Variants in UNC93A observed in about 807,000 individuals in gnomAD.
UNC93A encodes the protein unc-93 homolog A.
In UNC93A, 43 loss-of-function variants were observed where a neutral mutation model predicts 47.5. That is an observed-to-expected ratio of 0.91 (90% CI 0.71 to 1.17). UNC93A has a LOEUF of 1.17. Ranked by LOEUF, UNC93A falls within the 50% of genes most tolerant of loss-of-function variation. The probability of loss-of-function intolerance (pLI) is 0.00; values close to 1 mark genes in which losing one functional copy is unlikely to be tolerated. For synonymous variants in UNC93A, 280 were observed against 258.0 expected, an observed-to-expected ratio of 1.09 and a Z score of -0.82; for missense variants, 605 against 577.6, an observed-to-expected ratio of 1.05 and a Z score of -0.49.
intron 1 of UNC93A, among the ~76,000 whole-genome samples, chr6:167,274,286 A>G (rs1038669923): frequency 7.2e-5 from 11 of 152,182 alleles, no homozygotes; most frequent in African/African-American, 2.7e-4. Flanking sequence ...TTTAGTCCTC[A>G]AGGCACAGAC....
upstream of UNC93A, among the ~76,000 whole-genome samples, chr6:167,270,321 G>T (rs887084400): frequency 6.6e-6 from 1 of 152,124 alleles, no homozygotes. Flanking sequence ...TCAGCCAGGC[G>T]TCATAATCAC....
chr6:167,308,715 T>C lies in UNC93A; in HGVS notation c.1108+805T>C, dbSNP rs560346390. Among the ~76,000 whole-genome samples, 4 of 150,710 alleles carry C rather than the reference T, an allele frequency of 2.7e-5. No homozygotes were observed. In the East Asian group the frequency reaches 7.8e-4, roughly 30 times the overall value. The stretch of plus-strand genomic sequence containing the variant: ...TGTGGGGCCAGCATGTGGGGGAGGG[T>C]CAGATGCACCTAGGTCACTGGAAGC... On this transcript the variant is annotated intron_variant, in intron 7 of 7. Transcript: ENST00000230256.
In UNC93A at chr6:167,306,513, A is replaced by G. The variant is rs142126076; in HGVS notation, c.976+463A>G. Among the ~76,000 whole-genome samples, 595 of 152,266 alleles carry G rather than the reference A, an allele frequency of 3.9e-3. 3 individuals carry two copies. The highest frequency in any genetic ancestry group is 0.013 in the African/African-American group (553 of 41,526). On this transcript the variant is annotated intron_variant, in intron 6 of 7. Coordinates refer to ENST00000230256, the MANE Select transcript of UNC93A (RefSeq NM_018974.4). Reference sequence around the variant, plus strand: ...CCTCCCTAAACACACAGCACCTTCCATTTTTCTTGGGAAGGGAAGGGAAGA... The same window carrying G: ...CCTCCCTAAACACACAGCACCTTCCGTTTTTCTTGGGAAGGGAAGGGAAGA...
intron 1 of UNC93A, among the ~76,000 whole-genome samples, chr6:167,274,449 G>A (rs1310012877): frequency 1.3e-5 from 2 of 152,100 alleles, no homozygotes; most frequent in African/African-American, 2.4e-5. Context: ...TTCAGGAAGC[G>A]TCATCCTGTT....
chr6:167,281,151 G>A (rs529050575), intron 1 of UNC93A, among the ~76,000 whole-genome samples: 78 of 151,352 alleles, frequency 5.2e-4, no homozygotes, highest in Non-Finnish European at 1.0e-3. Context: ...ATCCCACTGA[G>A]AGGAGCCTCG....
In UNC93A at chr6:167,296,110, G is replaced by C. The variant is rs751156316; in HGVS notation, c.348G>C (p.Thr116=). ...PLWSAQCTYL[T]ITGNTHAEKA... ...GGTCTGCACAGTGCACATACCTCAC[G>C]ATCACGGGAAACACACATGCAGAGA... The change falls in exon 3 of 8, where the codon ACG becomes ACC. Residue 116 remains threonine, a synonymous_variant. Coordinates refer to ENST00000230256, the MANE Select transcript of UNC93A (RefSeq NM_018974.4). 1.9e-6 allele frequency: 3 copies of C among 1,614,188 alleles called. No homozygotes were observed. Among genetic ancestry groups the C allele is most frequent in the South Asian group, 1.1e-5 (1 of 91,080 alleles).
chr6:167,273,944 C>T (rs900578087), intron 1 of UNC93A, among the ~76,000 whole-genome samples: 2 of 152,138 alleles, frequency 1.3e-5, no homozygotes, highest in Non-Finnish European at 2.9e-5. Flanking sequence ...AAATGTTTAT[C>T]AGACTTAAAA....
At chr6:167,298,152 C>G in intron 4 of UNC93A, 82 bp downstream of exon 4, 1 of 1,528,918 alleles carries the variant, frequency 6.5e-7, no homozygotes, top group South Asian at 1.3e-5. Flanking sequence ...GACTGTCTCT[C>G]CCAATGTAAA....
At chr6:167,278,663 T>A (rs1783582769) in intron 1 of UNC93A, among the ~76,000 whole-genome samples, 1 of 152,204 alleles carries the variant, frequency 6.6e-6, no homozygotes, top group Non-Finnish European at 1.5e-5. Context: ...AACTCAGGGC[T>A]GCAAGTCTCT....
At chr6:167,291,671 A>G (rs1783844493) in intron 1 of UNC93A, 95 bp downstream of exon 1, 1 of 1,171,882 alleles carries the variant, frequency 8.5e-7, no homozygotes, top group Non-Finnish European at 1.2e-6. Flanking sequence ...TGAAAAATCT[A>G]ATTCACCTGG....
intron 1 of UNC93A, among the ~76,000 whole-genome samples, chr6:167,286,230 C>G (rs879290146): frequency 6.6e-6 from 1 of 152,150 alleles, no homozygotes; most frequent in Non-Finnish European, 1.5e-5. Flanking sequence ...TCCAGTCTGT[C>G]TGTCTATAGC....
At chr6:167,281,692 G>C (rs1379741836) in intron 1 of UNC93A, among the ~76,000 whole-genome samples, 1 of 152,090 alleles carries the variant, frequency 6.6e-6, no homozygotes, top group Non-Finnish European at 1.5e-5. Context: ...AAGGTGAGAG[G>C]GGCTTTTGGC....
chr6:167,270,955 T>C (rs1235003594), upstream of UNC93A, among the ~76,000 whole-genome samples: 1 of 152,148 alleles, frequency 6.6e-6, no homozygotes, highest in Non-Finnish European at 1.5e-5. Context: ...TTGAATTCAG[T>C]TGTCCAGGAA....
chr6:167,315,662 T>C lies in UNC93A; in HGVS notation c.*210T>C. On this transcript the variant is annotated 3_prime_UTR_variant, in exon 8 of 8. Coordinates refer to ENST00000230256, the MANE Select transcript of UNC93A (RefSeq NM_018974.4). ...TCTTAACAGAGATCAAGTGTATACA[T>C]GAAGGTATCAGTTCATTTAATTTTA... is the stretch of plus-strand genomic sequence containing the variant. 2 of 569,868 alleles carry C rather than the reference T, an allele frequency of 3.5e-6. No homozygotes were observed. The highest frequency in any genetic ancestry group is 5.9e-6 in the Non-Finnish European group (2 of 341,874). 35.3% of individuals were successfully genotyped at this position (569,868 alleles called of 1,614,324 possible).
intron 5 of UNC93A, 21 bp from the exon 6 acceptor site, chr6:167,305,894 G>A: frequency 1.9e-6 from 3 of 1,614,018 alleles, no homozygotes; most frequent in Non-Finnish European, 2.5e-6. Flanking sequence ...CCATGACGTG[G>A]CTCTGCACCC....
Position 167,278,372 on chromosome 6 carries a change from C to T in UNC93A, c.-52+6914C>T, listed in dbSNP as rs115797698. The stretch of plus-strand genomic sequence containing the variant: ...CCCCAGGGCCCGTGAGGCCAGCGCA[C>T]GTGAGACTGGTTCATCAGTTACCAT... On this transcript the variant is annotated intron_variant, in intron 1 of 3. Transcript: ENST00000503433. Among the ~76,000 whole-genome samples the T allele has an allele frequency of 4.5e-3, 679 of 152,236 alleles. 6 individuals carry two copies. The highest frequency in any genetic ancestry group is 0.016 in the African/African-American group (656 of 41,532).
chr6:167,280,600 C>T (rs1270753178), intron 1 of UNC93A, among the ~76,000 whole-genome samples: 4 of 152,080 alleles, frequency 2.6e-5, no homozygotes, highest in South Asian at 2.1e-4. Flanking sequence ...CAGAGAGCCC[C>T]GAGGCCGCTC....
intron 7 of UNC93A, among the ~76,000 whole-genome samples, chr6:167,311,904 T>A (rs71553141): frequency 1.3e-5 from 2 of 149,756 alleles, no homozygotes; most frequent in Non-Finnish European, 3.0e-5. Flanking sequence ...GGCACATTCG[T>A]ACAGCTAGGA....
At chr6:167,285,950 CTCTCTCTCTCTATATA>C (rs1381806204) in intron 1 of UNC93A, among the ~76,000 whole-genome samples, 1 of 140,070 alleles carries the variant, frequency 7.1e-6, no homozygotes, top group Non-Finnish European at 1.6e-5. Flanking sequence ...CTCTCTCTCT[CTCTCTCTCTCTATATA>C]TATATATATA....
Sources: allele counts gnomAD v4.1 joint callset (sites outside exome capture counted in the v4.1 genomes callset), GRCh38; gene constraint gnomAD v4.1.1; transcripts MANE v1.5; gene names NCBI Gene and HGNC (gene_info 2026-07-23, HGNC 2026-07-21).